The following SPIDR variants were observed in gnomAD, a reference collection of about 807,000 sequenced individuals.
The protein encoded by SPIDR is DNA repair-scaffolding protein.
A neutral mutation model predicts 104.6 loss-of-function variants in SPIDR; 93 were observed. The ratio of observed to expected loss-of-function variants is 0.89; its 90% CI spans 0.75 to 1.06. The LOEUF (loss-of-function observed/expected upper bound fraction) is 1.06, where lower values mean the gene tolerates loss of function less well. Ranked by LOEUF, SPIDR falls within the 50% of genes least tolerant of loss-of-function variation. SPIDR has a pLI of 0.00. For synonymous variants in SPIDR, 431 were observed against 416.9 expected, an observed-to-expected ratio of 1.03 and a Z score of -0.41; for missense variants, 1,154 against 1,111.2, an observed-to-expected ratio of 1.04 and a Z score of -0.55.
chr8:47,273,581 T>C (rs1445049640), intron 1 of SPIDR, among the ~76,000 whole-genome samples: 2 of 147,270 alleles, frequency 1.4e-5, no homozygotes, highest in Non-Finnish European at 3.0e-5. Context: ...AAAGAGTTGT[T>C]TTTTTTTTTT....
At chr8:47,264,285 G>A (rs1274830691) in intron 1 of SPIDR, among the ~76,000 whole-genome samples, 3 of 152,216 alleles carry the variant, frequency 2.0e-5, no homozygotes, top group East Asian at 1.9e-4. Flanking sequence ...AGAGGAAGAG[G>A]AGGAAACCCA....
intron 2 of SPIDR, among the ~76,000 whole-genome samples, chr8:47,281,221 T>C (rs2037714479): frequency 1.3e-5 from 2 of 152,208 alleles, no homozygotes; most frequent in South Asian, 4.1e-4. Context: ...AGGTATAATC[T>C]TTTTGCTGGG....
intron 7 of SPIDR, among the ~76,000 whole-genome samples, chr8:47,422,754 C>A (rs542688007): frequency 6.6e-6 from 1 of 152,138 alleles, no homozygotes; most frequent in Non-Finnish European, 1.5e-5. Flanking sequence ...TTGGCTCCAC[C>A]CCTCTGCAGT....
chr8:47,664,415 G>A (rs1220339728), intron 10 of SPIDR, among the ~76,000 whole-genome samples: 1 of 152,050 alleles, frequency 6.6e-6, no homozygotes, highest in Non-Finnish European at 1.5e-5. Context: ...AGAACTAAAG[G>A]AAACCATGTC....
At chr8:47,453,531 G>A (rs2072312776) in intron 8 of SPIDR, among the ~76,000 whole-genome samples, 1 of 152,120 alleles carries the variant, frequency 6.6e-6, no homozygotes, top group African/African-American at 2.4e-5. Flanking sequence ...ACAGACCAAT[G>A]GAACAGAACA....
intron 7 of SPIDR, among the ~76,000 whole-genome samples, chr8:47,415,278 A>T (rs1554674495): frequency 6.6e-6 from 1 of 152,104 alleles, no homozygotes; most frequent in African/African-American, 2.4e-5. Flanking sequence ...ATACTGAGAG[A>T]TCCCTTGTAC....
At chr8:47,402,228 A>C (rs2062002776) in intron 6 of SPIDR, among the ~76,000 whole-genome samples, 2 of 152,206 alleles carry the variant, frequency 1.3e-5, no homozygotes, top group South Asian at 4.1e-4. Flanking sequence ...AATTTATAGC[A>C]CTAAATGCCC....
chr8:47,338,998 A>G (rs1554611815), intron 5 of SPIDR, among the ~76,000 whole-genome samples: 1 of 152,238 alleles, frequency 6.6e-6, no homozygotes, highest in Non-Finnish European at 1.5e-5. Context: ...TGTAGTTTAG[A>G]TAAAAGTACT....
At chr8:47,303,240 G>A (rs1224032322) in intron 5 of SPIDR, among the ~76,000 whole-genome samples, 2 of 152,216 alleles carry the variant, frequency 1.3e-5, no homozygotes, top group Non-Finnish European at 2.9e-5. Flanking sequence ...AGGACTCTCC[G>A]AACCAGTTGT....
At chr8:47,475,610 G>A (rs1472941481) in intron 8 of SPIDR, among the ~76,000 whole-genome samples, 2 of 152,140 alleles carry the variant, frequency 1.3e-5, no homozygotes, top group Non-Finnish European at 2.9e-5. Context: ...GCATTTGAAT[G>A]TAACTCTTTT....
intron 8 of SPIDR, among the ~76,000 whole-genome samples, chr8:47,482,874 C>T (rs1334647208): frequency 6.6e-6 from 1 of 151,940 alleles, no homozygotes; most frequent in Non-Finnish European, 1.5e-5. Context: ...CTCGCACTGT[C>T]GCCCAAGCTG....
At chr8:47,267,710 T>C (rs1184141749) in intron 1 of SPIDR, among the ~76,000 whole-genome samples, 1 of 152,254 alleles carries the variant, frequency 6.6e-6, no homozygotes, top group African/African-American at 2.4e-5. Flanking sequence ...GCTGTTTTAT[T>C]GTGGAATCAC....
chr8:47,301,354 G>C (rs2042056768), intron 5 of SPIDR, among the ~76,000 whole-genome samples: 1 of 152,088 alleles, frequency 6.6e-6, no homozygotes, highest in East Asian at 1.9e-4. Flanking sequence ...ACGTGAGATG[G>C]GTTTCCTGAA....
intron 8 of SPIDR, among the ~76,000 whole-genome samples, chr8:47,550,135 T>C (rs1441888043): frequency 6.6e-6 from 1 of 152,216 alleles, no homozygotes; most frequent in Admixed American, 6.5e-5. Context: ...ATCTCTGTTT[T>C]GGTACCAGTA....
chr8:47,372,607 C>G (rs1368915321), intron 5 of SPIDR, among the ~76,000 whole-genome samples: 1 of 152,014 alleles, frequency 6.6e-6, no homozygotes, highest in Non-Finnish European at 1.5e-5. Context: ...GCCTGGGTGA[C>G]AGAGCGAGAC....
At chr8:47,474,505 C>A (rs2076069221) in intron 8 of SPIDR, among the ~76,000 whole-genome samples, 2 of 152,264 alleles carry the variant, frequency 1.3e-5, no homozygotes, top group African/African-American at 4.8e-5. Context: ...AGTGTTGGTT[C>A]TCTTTCTGGT....
rs397892978 is a variant in SPIDR, at chr8:47,265,188, C to CTTTTT, written c.33+4214_33+4218dup. On this transcript the variant is annotated intron_variant, in intron 1 of 19. Coordinates refer to ENST00000297423, the MANE Select transcript of SPIDR (RefSeq NM_001080394.4). ...TACTTAGTATTGACATCTCAGTTGT[C>CTTTTT]TTTTTTTTTTTTTTTTTTTTTGAGA... 1.6e-4 allele frequency among the ~76,000 whole-genome samples: 17 copies of CTTTTT among 108,990 alleles called. 1 individual carries two copies. The highest frequency in any genetic ancestry group is 5.7e-4 in the African/African-American group (15 of 26,380). 71.5% of individuals were successfully genotyped at this position (108,990 alleles called of 152,430 possible).
chr8:47,469,809 A>G (rs1196923232), intron 8 of SPIDR, among the ~76,000 whole-genome samples: 1 of 152,200 alleles, frequency 6.6e-6, no homozygotes, highest in African/African-American at 2.4e-5. Context: ...CCGTACAACA[A>G]ATTTCTATTA....
chr8:47,322,832 A>T (rs145141722), intron 5 of SPIDR, among the ~76,000 whole-genome samples: 19 of 152,250 alleles, frequency 1.2e-4, no homozygotes, highest in African/African-American at 4.6e-4. Context: ...GCAAACTATC[A>T]GAAGGACAAA....
Sources: gnomAD v4.1 joint callset for allele counts (sites outside exome capture counted in the v4.1 genomes callset) on GRCh38, gnomAD v4.1.1 for gene constraint, MANE v1.5 for transcripts, NCBI Gene and HGNC (gene_info 2026-07-23, HGNC 2026-07-21) for gene names.